Variants in PTPRM observed in about 807,000 individuals in gnomAD.
PTPRM encodes receptor-type tyrosine-protein phosphatase mu.
In PTPRM, 47 loss-of-function variants were observed where a neutral mutation model predicts 186.7. The observed-to-expected ratio is 0.25, with a 90% confidence interval of 0.20 to 0.32. PTPRM has a LOEUF of 0.32. Ranked by LOEUF, PTPRM falls within the 10% of genes least tolerant of loss-of-function variation. PTPRM has a pLI of 1.00. For synonymous variants in PTPRM, 668 were observed against 674.9 expected (o/e 0.99, Z 0.16); for missense variants, 1,494 against 1,865.0 (o/e 0.80, Z 3.66).
rs1382140618 is a variant in PTPRM, at chr18:7,567,899, G to A, written c.73+8G>A. 4.5e-6 allele frequency: 7 copies of A among 1,546,810 alleles called. No homozygotes were observed. The highest frequency in any genetic ancestry group is 6.1e-6 in the Non-Finnish European group (7 of 1,154,118). Reference sequence around the variant, plus strand: ...CGGGCGAGACGTTCTCAGGTAAGCGGGACCGCCTCTGCCGCCCCCGAGGCG... The same window carrying A: ...CGGGCGAGACGTTCTCAGGTAAGCGAGACCGCCTCTGCCGCCCCCGAGGCG... On this transcript the variant is annotated splice_region_variant and intron_variant, in intron 1 of 32. Transcript: ENST00000580170. The surrounding 1 kb of genome is among the most constrained non-coding windows in gnomAD (Gnocchi z 4.3).
chr18:8,071,718 C>T (rs975326424), intron 8 of PTPRM, among the ~76,000 whole-genome samples: 3 of 152,172 alleles, frequency 2.0e-5, no homozygotes, highest in South Asian at 2.1e-4. Flanking sequence ...CTTGGCCAGT[C>T]GGGGCCTCTC....
At chr18:7,873,051 T>C (rs2048056896) in intron 2 of PTPRM, among the ~76,000 whole-genome samples, 1 of 152,210 alleles carries the variant, frequency 6.6e-6, no homozygotes, top group Non-Finnish European at 1.5e-5. Context: ...AGTTTTTAAA[T>C]GATAGATTTT....
At chr18:8,219,248 A>G (rs1012208545) in intron 14 of PTPRM, among the ~76,000 whole-genome samples, 2 of 152,194 alleles carry the variant, frequency 1.3e-5, no homozygotes, top group Admixed American at 6.5e-5. Flanking sequence ...CGGGTGGATC[A>G]TGAGGTCAGG....
intron 1 of PTPRM, among the ~76,000 whole-genome samples, chr18:7,724,006 G>A (rs1378014694): frequency 6.6e-6 from 1 of 151,884 alleles, no homozygotes; most frequent in Non-Finnish European, 1.5e-5. Context: ...GACCTGCTCT[G>A]AATTCCTAAT....
At chr18:8,310,993 A>G (rs1271185812) in intron 20 of PTPRM, among the ~76,000 whole-genome samples, 1 of 152,156 alleles carries the variant, frequency 6.6e-6, no homozygotes, top group Non-Finnish European at 1.5e-5. Flanking sequence ...TATTCTGACA[A>G]TATTAGACAA....
chr18:8,383,116 G>A (rs551513172), intron 29 of PTPRM, among the ~76,000 whole-genome samples: 1 of 151,760 alleles, frequency 6.6e-6, no homozygotes, highest in South Asian at 2.1e-4. Context: ...TGGCCAACAT[G>A]GTGAAACCCC....
Position 7,960,480 on chromosome 18 carries a change from T to TACAC in PTPRM, c.1132+5091_1132+5094dup, listed in dbSNP as rs74175819. Among the ~76,000 whole-genome samples the TACAC allele has an allele frequency of 3.2e-3, 279 of 86,476 alleles. 6 individuals carry two copies. The highest frequency in any genetic ancestry group is 0.011 in the African/African-American group (253 of 22,800). 56.7% of individuals were successfully genotyped at this position (86,476 alleles called of 152,430 possible). On this transcript the variant is annotated intron_variant, in intron 7 of 32. Coordinates refer to ENST00000580170, the MANE Select transcript of PTPRM (RefSeq NM_001105244.2). Reference sequence around the variant, plus strand: ...ATATATATATATATATATATATATATACACACACACACACACACACACACA... The same window carrying TACAC: ...ATATATATATATATATATATATATATACACACACACACACACACACACACACACA...
At chr18:8,132,608 CTAGTT>C (rs1381580360) in intron 13 of PTPRM, among the ~76,000 whole-genome samples, 1 of 152,140 alleles carries the variant, frequency 6.6e-6, no homozygotes, top group Non-Finnish European at 1.5e-5. Flanking sequence ...GAAATTTTGG[CTAGTT>C]TAAAGACTTC....
intron 2 of PTPRM, among the ~76,000 whole-genome samples, chr18:7,781,140 GA>G (rs1450890170): frequency 6.6e-6 from 1 of 152,052 alleles, no homozygotes; most frequent in Non-Finnish European, 1.5e-5. Context: ...GCTTAATTTT[GA>G]CTCAGCTAAA....
At chr18:8,014,691 T>C (rs1600077658) in intron 7 of PTPRM, among the ~76,000 whole-genome samples, 1 of 152,180 alleles carries the variant, frequency 6.6e-6, no homozygotes, top group African/African-American at 2.4e-5. Flanking sequence ...TTAACAAGAA[T>C]AAATTAAGAA....
intron 6 of PTPRM, among the ~76,000 whole-genome samples, chr18:7,951,565 C>T (rs1331078551): frequency 6.6e-6 from 1 of 152,136 alleles, no homozygotes; most frequent in African/African-American, 2.4e-5. Context: ...ATTTTCCTGT[C>T]TTATGGCAGT....
chr18:7,802,655 A>C (rs1479673220), intron 2 of PTPRM, among the ~76,000 whole-genome samples: 2 of 152,244 alleles, frequency 1.3e-5, no homozygotes, highest in Non-Finnish European at 2.9e-5. Context: ...GATAAATCTG[A>C]ACAAGCGATT....
At chr18:8,391,450 TC>T (rs1394950197) in intron 31 of PTPRM, among the ~76,000 whole-genome samples, 18 of 152,220 alleles carry the variant, frequency 1.2e-4, no homozygotes, top group African/African-American at 4.3e-4. Context: ...CGTGGGTGAT[TC>T]TCACACAGAC....
intron 23 of PTPRM, among the ~76,000 whole-genome samples, chr18:8,347,900 G>A (rs755437138): frequency 6.6e-6 from 1 of 152,150 alleles, no homozygotes; most frequent in Non-Finnish European, 1.5e-5. Context: ...CCCTTGGATG[G>A]GCCTGACTTT....
intron 1 of PTPRM, among the ~76,000 whole-genome samples, chr18:7,713,149 C>G (rs2040248135): frequency 6.6e-6 from 1 of 152,020 alleles, no homozygotes; most frequent in Non-Finnish European, 1.5e-5. Context: ...AAAGGGAAGC[C>G]CATCAGACTA....
At chr18:7,643,000 C>T (rs2038480785) in intron 1 of PTPRM, among the ~76,000 whole-genome samples, 1 of 151,808 alleles carries the variant, frequency 6.6e-6, no homozygotes, top group Non-Finnish European at 1.5e-5. Context: ...AAACTTATTT[C>T]TTCACAATAC....
At chr18:7,714,389 G>A (rs1314702163) in intron 1 of PTPRM, among the ~76,000 whole-genome samples, 1 of 152,090 alleles carries the variant, frequency 6.6e-6, no homozygotes, top group Non-Finnish European at 1.5e-5. Flanking sequence ...GAAATTTATA[G>A]CACTAAATGC....
chr18:8,296,501 G>A (rs765331442), intron 20 of PTPRM, 46 bp downstream of exon 20: 17 of 1,416,974 alleles, frequency 1.2e-5, no homozygotes, highest in Non-Finnish European at 1.7e-5. Context: ...CTTCCTTTTT[G>A]CATCTAGTAA....
At position 7,568,645 on chromosome 18, in the gene PTPRM, T is replaced by C. The variant is rs2036495156; in HGVS notation, c.73+754T>C. Among the ~76,000 whole-genome samples, 1 of 152,172 alleles carries C rather than the reference T, an allele frequency of 6.6e-6. No homozygotes were observed. The highest frequency in any genetic ancestry group is 1.5e-5 in the Non-Finnish European group (1 of 68,024). On this transcript the variant is annotated intron_variant, in intron 1 of 32. Transcript: ENST00000580170. The surrounding 1 kb of genome is among the most constrained non-coding windows in gnomAD (Gnocchi z 5.1). ...GCCGCGGCCAGCTGCAACTTGTTCA[T>C]CCAGCCCGGCTGCCCGGGGGTCCCA...
Sources: gnomAD v4.1 joint callset for allele counts (sites outside exome capture counted in the v4.1 genomes callset) on GRCh38, gnomAD v4.1.1 for gene constraint, Gnocchi (gnomAD v3.1) non-coding constraint, MANE v1.5 for transcripts, NCBI Gene and HGNC (gene_info 2026-07-23, HGNC 2026-07-21) for gene names.